MICAL3: variants seen among roughly 807,000 people sequenced by gnomAD.
MICAL3 encodes the protein microtubule associated monooxygenase, calponin and LIM domain containing 3, also known as [F-actin]-monooxygenase MICAL3.
In MICAL3, 62 loss-of-function variants were observed where a neutral mutation model predicts 207.4. That is an observed-to-expected ratio of 0.30 (90% CI 0.24 to 0.37). MICAL3 has a LOEUF of 0.37. MICAL3 is among the 10% of genes least tolerant of loss of function. The probability of loss-of-function intolerance (pLI) is 1.00; values close to 1 mark genes in which losing one functional copy is unlikely to be tolerated. For missense variants in MICAL3, 2,368 were observed against 2,635.6 expected (o/e 0.90, Z 2.22); for synonymous variants, 1,077 against 1,069.3 (o/e 1.01, Z -0.14).
At chr22:18,006,373 G>C (rs2146497359) in intron 1 of MICAL3, 1 of 152,378 alleles carries the variant, frequency 6.6e-6, no homozygotes, top group South Asian at 2.1e-4. Context: ...AGGAGCACTA[G>C]GTTGAGAAAT....
At chr22:17,986,731 A>T (rs958575014) in intron 1 of MICAL3, among the ~76,000 whole-genome samples, 9 of 152,180 alleles carry the variant, frequency 5.9e-5, no homozygotes, top group Non-Finnish European at 1.0e-4. Flanking sequence ...TTCCCCTTGA[A>T]CTATGCAGGC....
intron 1 of MICAL3, among the ~76,000 whole-genome samples, chr22:17,914,236 C>T (rs1432654334): frequency 6.6e-6 from 1 of 151,638 alleles, no homozygotes; most frequent in Non-Finnish European, 1.5e-5. Flanking sequence ...CCTCTCCACT[C>T]CATCTGTTCT....
chr22:17,939,240 C>T (rs1245601075), intron 1 of MICAL3, among the ~76,000 whole-genome samples: 1 of 152,194 alleles, frequency 6.6e-6, no homozygotes, highest in East Asian at 1.9e-4. Flanking sequence ...CCTTGGACTT[C>T]CCAGCCTCCA....
chr22:17,807,294 C>G (rs2061998650), intron 29 of MICAL3, among the ~76,000 whole-genome samples: 1 of 152,232 alleles, frequency 6.6e-6, no homozygotes, highest in African/African-American at 2.4e-5. Flanking sequence ...TCCATCTGGG[C>G]TCAGGCTTAA....
intron 16 of MICAL3, chr22:17,876,601 G>GC (rs147745301): frequency 0.025 from 3,798 of 152,714 alleles, 42 homozygotes; most frequent in Non-Finnish European, 0.028. Flanking sequence ...AGACTCAGTA[G>GC]CCCCCTGGGG....
At chr22:17,824,549 T>G (rs1266443893) in intron 22 of MICAL3, among the ~76,000 whole-genome samples, 1 of 152,222 alleles carries the variant, frequency 6.6e-6, no homozygotes, top group Non-Finnish European at 1.5e-5. Flanking sequence ...TATGCACAGT[T>G]TGTAAGATGA....
intron 5 of MICAL3, among the ~76,000 whole-genome samples, chr22:17,901,603 C>T (rs143890247): frequency 1.0e-3 from 153 of 152,174 alleles, no homozygotes; most frequent in African/African-American, 3.6e-3. Context: ...CCAGGGAGAT[C>T]GAGGCTGCAG....
At position 17,877,202 on chromosome 22, in the gene MICAL3, G is replaced by A. The variant is rs377442959; in HGVS notation, c.2242-5179C>T. Among the ~76,000 whole-genome samples the A allele has an allele frequency of 3.5e-3, 172 of 49,638 alleles. 4 individuals are homozygous for A. The highest frequency in any genetic ancestry group is 6.9e-3 in the South Asian group (12 of 1,742). The allele number at this position is 49,638 out of a possible 152,430, so 32.6% of individuals were successfully genotyped here. On this transcript the variant is annotated intron_variant, in intron 16 of 31. Coordinates refer to ENST00000441493, the MANE Select transcript of MICAL3 (RefSeq NM_015241.3). ...TTAGGGAAGTTATGGAGGTTAGGGA[G>A]GTTATGGAGGTTATGGAGGTTAGGG... is the stretch of plus-strand genomic sequence containing the variant.
At chr22:17,882,991 C>T (rs1929571233) in intron 16 of MICAL3, among the ~76,000 whole-genome samples, 1 of 152,186 alleles carries the variant, frequency 6.6e-6, no homozygotes, top group Non-Finnish European at 1.5e-5. Flanking sequence ...CCACAACCAC[C>T]TGTTCCCCCA....
intron 1 of MICAL3, among the ~76,000 whole-genome samples, chr22:17,951,402 A>C (rs561227599): frequency 6.6e-6 from 1 of 152,150 alleles, no homozygotes; most frequent in Non-Finnish European, 1.5e-5. Context: ...AATGGAAAGT[A>C]CTTCACACAC....
chr22:17,853,058 G>T (rs1038618665), intron 19 of MICAL3, among the ~76,000 whole-genome samples: 5 of 150,032 alleles, frequency 3.3e-5, no homozygotes, highest in Non-Finnish European at 5.9e-5. Flanking sequence ...CTAGGTGACA[G>T]AGCGAGACTC....
intron 10 of MICAL3, 49 bp downstream of exon 10, chr22:17,895,235 T>A: frequency 6.3e-7 from 1 of 1,599,758 alleles, no homozygotes; most frequent in Non-Finnish European, 8.5e-7. Context: ...AGAATTCTCA[T>A]TGGTCCTGCA....
In MICAL3 at chr22:17,901,965, C is replaced by G; in HGVS notation, c.604G>C (p.Ala202Pro). 6.2e-7 allele frequency: 1 copy of G among 1,613,240 alleles called. No homozygotes were observed. The highest frequency in any genetic ancestry group is 8.5e-7 in the Non-Finnish European group (1 of 1,179,620). The change falls in exon 5 of 32, where the codon GCA (alanine) becomes CCA (proline). Residue 202 changes from alanine (A) to proline (P), a missense_variant. By Grantham distance (27) the Ala-to-Pro change is conservative. Around this residue, in one of 4 missense-constraint regions of MICAL3, gnomAD observed 400 missense variants for 547.0 expected, o/e 0.73. Transcript: ENST00000441493. ...DQENERIGWR[A>P]LVHPKTHPVS... ...GGATGAGTCTTGGGGTGCACCAGTG[C>G]CCGCCAGCCTATCCCTGTGAACCAA... is the stretch of plus-strand genomic sequence containing the variant.
chr22:17,856,578 G>A (rs370983458), intron 19 of MICAL3, among the ~76,000 whole-genome samples: 4 of 146,320 alleles, frequency 2.7e-5, no homozygotes, highest in African/African-American at 1.0e-4. Context: ...AGTAATTCAC[G>A]TTAGATGAAA....
At chr22:17,934,239 C>T (rs1255916092) in intron 1 of MICAL3, among the ~76,000 whole-genome samples, 1 of 152,196 alleles carries the variant, frequency 6.6e-6, no homozygotes, top group African/African-American at 2.4e-5. Context: ...TCCAGCAGCA[C>T]ATCAAAAAGT....
At chr22:17,989,261 G>A (rs1188814502) in intron 1 of MICAL3, among the ~76,000 whole-genome samples, 9 of 152,024 alleles carry the variant, frequency 5.9e-5, no homozygotes, top group Admixed American at 5.9e-4. Context: ...TAAGCCTGCC[G>A]CTACCTTACC....
At chr22:17,864,263 CA>C (rs1359051301) in intron 19 of MICAL3, 111 of 1,042,158 alleles carry the variant, frequency 1.1e-4, no homozygotes, top group Non-Finnish European at 3.9e-5. Flanking sequence ...GAAAGTGGGA[CA>C]GGTGAGGGCT....
At chr22:17,896,171 C>A in intron 9 of MICAL3, 75 bp downstream of exon 9, 1 of 751,804 alleles carries the variant, frequency 1.3e-6, no homozygotes, top group Non-Finnish European at 2.3e-6. Flanking sequence ...GAAGAACTTG[C>A]ACTCTGCCTG....
chr22:18,020,128 T>G (rs1030007928), intron 1 of MICAL3: 1 of 152,114 alleles, frequency 6.6e-6, no homozygotes, highest in African/African-American at 2.4e-5. Context: ...CTGATGTTTT[T>G]AAGAGGACAA....
Sources: allele counts gnomAD v4.1 joint callset (sites outside exome capture counted in the v4.1 genomes callset), GRCh38; gene constraint gnomAD v4.1.1; regional missense constraint gnomAD v4.1.1; transcripts MANE v1.5; gene names NCBI Gene and HGNC (gene_info 2026-07-23, HGNC 2026-07-21).